Variants in RARB observed in about 807,000 individuals in gnomAD.
The protein encoded by RARB is retinoic acid receptor beta, also known as HBV-activated protein.
A neutral mutation model predicts 51.9 loss-of-function variants in RARB; 17 were observed. The ratio of observed to expected loss-of-function variants is 0.33; its 90% confidence interval spans 0.22 to 0.49. The LOEUF is 0.49. RARB is among the 20% of genes least tolerant of loss of function. The pLI is 0.99. For missense variants in RARB, 369 were observed against 550.8 expected, an observed-to-expected ratio of 0.67 and a Z score of 3.30; for synonymous variants, 215 against 195.4, an observed-to-expected ratio of 1.10 and a Z score of -0.84.
At chr3:24,945,665 G>C (rs1345360975) in intron 2 of RARB, among the ~76,000 whole-genome samples, 1 of 152,228 alleles carries the variant, frequency 6.6e-6, no homozygotes, top group Non-Finnish European at 1.5e-5. Context: ...AGAATTAAAA[G>C]GGAATTCCCT....
intron 5 of RARB, among the ~76,000 whole-genome samples, chr3:25,346,489 T>C (rs1559366232): frequency 6.6e-6 from 1 of 151,832 alleles, no homozygotes. Context: ...ATTGAATTTA[T>C]TGCTTTTTAT....
At position 25,324,020 on chromosome 3, in the gene RARB, A is replaced by G. The variant is rs183943925; in HGVS notation, c.179-137173A>G. ...AAAGGTGACACTCAAGGAAGCAGAG[A>G]TAATAAAGGAAGTGGAAGAAAATCA... On this transcript the variant is annotated intron_variant, in intron 5 of 11. Coordinates refer to the RARB transcript ENST00000383772. Among the ~76,000 whole-genome samples the G allele has an allele frequency of 3.8e-4, 58 of 152,274 alleles. 1 individual carries two copies. Among genetic ancestry groups the G allele is most frequent in the Admixed American group, 3.6e-3 (55 of 15,298 alleles).
intron 3 of RARB, among the ~76,000 whole-genome samples, chr3:25,561,501 T>C (rs1053723562): frequency 2.0e-5 from 3 of 152,022 alleles, no homozygotes; most frequent in Non-Finnish European, 2.9e-5. Context: ...CACTGGGCTC[T>C]CTACTGGGTA....
intron 5 of RARB, among the ~76,000 whole-genome samples, chr3:25,246,087 T>C (rs1212915864): frequency 1.3e-5 from 2 of 152,022 alleles, no homozygotes; most frequent in Non-Finnish European, 2.9e-5. Flanking sequence ...ATCTCTGATA[T>C]CCTGTCTTAT....
intron 2 of RARB, among the ~76,000 whole-genome samples, chr3:25,008,769 C>A (rs542775869): frequency 6.6e-6 from 1 of 152,222 alleles, no homozygotes; most frequent in Admixed American, 6.6e-5. Flanking sequence ...CTGATTCACA[C>A]ATGTATTACC....
At chr3:25,552,462 G>A (rs1455015364) in intron 3 of RARB, among the ~76,000 whole-genome samples, 1 of 151,992 alleles carries the variant, frequency 6.6e-6, no homozygotes, top group African/African-American at 2.4e-5. Flanking sequence ...AAGGGACTTG[G>A]TAAGGGGCGG....
At chr3:24,858,949 A>G (rs1030280723) in intron 2 of RARB, among the ~76,000 whole-genome samples, 2 of 150,376 alleles carry the variant, frequency 1.3e-5, no homozygotes, top group Non-Finnish European at 2.9e-5. Context: ...AGGCAGAAGA[A>G]TCGCTTGAAC....
At chr3:25,116,094 A>C (rs181643645) in intron 3 of RARB, among the ~76,000 whole-genome samples, 200 of 152,298 alleles carry the variant, frequency 1.3e-3, no homozygotes, top group African/African-American at 4.6e-3. Context: ...CTTCTGCTCT[A>C]CTAGTTTGTA....
intron 3 of RARB, among the ~76,000 whole-genome samples, chr3:25,567,152 T>C (rs1360519009): frequency 1.3e-5 from 2 of 152,230 alleles, no homozygotes; most frequent in African/African-American, 2.4e-5. Flanking sequence ...TTTTGTGATA[T>C]AATTCACGTA....
At chr3:25,154,872 A>C (rs1700349227) in intron 4 of RARB, among the ~76,000 whole-genome samples, 2 of 152,098 alleles carry the variant, frequency 1.3e-5, no homozygotes, top group Admixed American at 1.3e-4. Flanking sequence ...CCAACCCTAA[A>C]GGCTTGTCTT....
chr3:25,423,749 T>A (rs533946399), upstream of RARB, among the ~76,000 whole-genome samples: 1 of 152,276 alleles, frequency 6.6e-6, no homozygotes, highest in East Asian at 1.9e-4. Context: ...AGAGTAAAGA[T>A]CTAGATTTAA....
chr3:25,378,011 G>A (rs1575355126), intron 5 of RARB, among the ~76,000 whole-genome samples: 1 of 152,158 alleles, frequency 6.6e-6, no homozygotes, highest in South Asian at 2.1e-4. Flanking sequence ...AGGCACTGAA[G>A]TGTAGCAATT....
chr3:25,272,212 C>T (rs750649374), intron 5 of RARB, among the ~76,000 whole-genome samples: 3 of 152,128 alleles, frequency 2.0e-5, no homozygotes, highest in Non-Finnish European at 4.4e-5. Flanking sequence ...AAAAGTTGTT[C>T]ATCTCCGGTT....
chr3:25,144,948 T>C (rs1055072204), intron 4 of RARB, among the ~76,000 whole-genome samples: 3 of 152,184 alleles, frequency 2.0e-5, no homozygotes, highest in African/African-American at 7.2e-5. Flanking sequence ...TGCCTAACTT[T>C]CATAATTTAC....
Position 25,358,650 on chromosome 3 carries a change from T to C in RARB, c.179-102543T>C, listed in dbSNP as rs546447145. ...TAGCTCTTATTATTTTGAGATATGT[T>C]CCATCAATACCTAGTTTATTGAATG... On this transcript the variant is annotated intron_variant, in intron 5 of 11. Coordinates refer to the RARB transcript ENST00000383772. 4.6e-5 allele frequency among the ~76,000 whole-genome samples: 7 copies of C among 152,274 alleles called. No homozygotes were observed. In the South Asian group the frequency reaches 1.5e-3, roughly 32 times the overall value.
At position 25,159,307 on chromosome 3, in the gene RARB, T is replaced by C. The variant is rs557072645; in HGVS notation, c.-279-14812T>C. Among the ~76,000 whole-genome samples the C allele has an allele frequency of 1.7e-3, 253 of 151,672 alleles. 1 individual carries two copies. The highest frequency in any genetic ancestry group is 5.7e-3 in the African/African-American group (236 of 41,378). On this transcript the variant is annotated intron_variant, in intron 4 of 11. Transcript: ENST00000383772. ...GCCTCAGCCTCGTGAGTAGCTGGGA[T>C]TACAAGTATGCACCACCACACCTGG...
intron 2 of RARB, among the ~76,000 whole-genome samples, chr3:25,480,874 T>C (rs900638087): frequency 4.6e-5 from 7 of 152,122 alleles, no homozygotes; most frequent in Non-Finnish European, 7.4e-5. Context: ...AAGCTTATAA[T>C]GATGAGAATC....
chr3:25,395,487 AAAG>A (rs1707089046), intron 5 of RARB, among the ~76,000 whole-genome samples: 1 of 152,210 alleles, frequency 6.6e-6, no homozygotes, highest in Non-Finnish European at 1.5e-5. Flanking sequence ...TTATTCCCTC[AAAG>A]AAGTTTTCCA....
At chr3:25,119,501 C>G (rs561788652) in intron 3 of RARB, among the ~76,000 whole-genome samples, 2 of 152,136 alleles carry the variant, frequency 1.3e-5, no homozygotes, top group East Asian at 3.9e-4. Context: ...ACAGACAATG[C>G]TCAACAAACA....
Sources: gnomAD v4.1 joint callset for allele counts (sites outside exome capture counted in the v4.1 genomes callset) on GRCh38, gnomAD v4.1.1 for gene constraint, MANE v1.5 for transcripts, NCBI Gene and HGNC (gene_info 2026-07-23, HGNC 2026-07-21) for gene names.